The following CD1D variants were observed in gnomAD, a reference collection of about 807,000 sequenced individuals.
The protein encoded by CD1D is CD1d molecule.
CD1D carries 40 observed loss-of-function variants against 42.1 expected under a neutral mutation model. The ratio of observed to expected loss-of-function variants is 0.95; its 90% confidence interval spans 0.74 to 1.24. The LOEUF (loss-of-function observed/expected upper bound fraction) is 1.24, where lower values mean the gene tolerates loss of function less well. Among genes scored for constraint, CD1D ranks in the 50% most tolerant of loss-of-function variants. The pLI is 0.00. For missense variants in CD1D, 437 were observed against 416.5 expected, an observed-to-expected ratio of 1.05 and a Z score of -0.43; for synonymous variants, 178 against 171.8, an observed-to-expected ratio of 1.04 and a Z score of -0.28.
Position 158,183,006 on chromosome 1 carries a change from C to CA in CD1D, c.737dup (p.Thr248HisfsTer11), listed in dbSNP as rs753062897. 1.2e-6 allele frequency: 2 copies of CA among 1,614,054 alleles called. No individual in the cohort carries two copies. The highest frequency in any genetic ancestry group is 1.7e-6 in the Non-Finnish European group (2 of 1,179,894). On this transcript the variant is annotated frameshift_variant, in exon 4 of 6. Transcript: ENST00000674085. LOFTEE classifies it high-confidence loss of function. Reference sequence around the variant, plus strand: ...GTGGATGCGGGGTGAGCAGGAGCAGCAGGGCACTCAGCCAGGGGACATCCT... The same window carrying CA: ...GTGGATGCGGGGTGAGCAGGAGCAGCAAGGGCACTCAGCCAGGGGACATCCT...
rs371189130 is a variant in CD1D at position 158,183,971 on chromosome 1, G to A, written c.922G>A (p.Ala308Thr). The change falls in exon 5 of 6, where the codon GCA becomes ACA. Residue 308 changes from alanine to threonine, a missense_variant. By Grantham distance (58) the Ala-to-Thr change is moderately conservative. Coordinates refer to ENST00000674085, the MANE Select transcript of CD1D (RefSeq NM_001371762.2). ...SYTSMGLIALAVLACLLFLLI... is the reference protein window; with the variant it reads ...SYTSMGLIALTVLACLLFLLI... ...CACCTCCATGGGCTTGATTGCCTTG[G>A]CAGTCCTGGCGTGCTTGCTGTTCCT... 3.5e-5 allele frequency: 56 copies of A among 1,614,208 alleles called. No homozygotes were observed. In the Middle Eastern group the frequency reaches 4.9e-4, roughly 14 times the overall value.
At chr1:158,181,340 G>A in intron 1 of CD1D, 115 bp from the exon 2 acceptor site, 23 of 1,479,656 alleles carry the variant, frequency 1.6e-5, no homozygotes, top group Non-Finnish European at 2.0e-5. Context: ...CACAGAGTTC[G>A]CTGGCATCAG....
In CD1D at chr1:158,183,932, G is replaced by C. The variant is rs1316501179; in HGVS notation, c.887-4G>C. 1.9e-6 allele frequency: 3 copies of C among 1,612,668 alleles called. 1 individual carries two copies. The South Asian group carries it at 3.3e-5, about 18-fold the overall frequency. On this transcript the variant is annotated splice_region_variant and splice_polypyrimidine_tract_variant and intron_variant, in intron 4 of 5. Transcript: ENST00000674085. Reference sequence around the variant, plus strand: ...GAGAGACAGCCTATGTTCCTCCAGAGCAGGTGGGAGCTACACCTCCATGGG... The same window carrying C: ...GAGAGACAGCCTATGTTCCTCCAGACCAGGTGGGAGCTACACCTCCATGGG...
At chr1:158,183,373 A>G (rs1648549527) in intron 4 of CD1D, among the ~76,000 whole-genome samples, 1 of 152,194 alleles carries the variant, frequency 6.6e-6, no homozygotes, top group South Asian at 2.1e-4. Flanking sequence ...CTCTATATAC[A>G]AGAAGAAACA....
upstream of CD1D, among the ~76,000 whole-genome samples, chr1:158,178,543 G>C (rs768906726): frequency 2.4e-4 from 37 of 152,150 alleles, no homozygotes; most frequent in Non-Finnish European, 4.6e-4. Flanking sequence ...CTGAAACCAA[G>C]TAAGTCCCTT....
chr1:158,181,066 GCAGCGGCGCTCCGCGAGGTCCC>G lies in CD1D; in HGVS notation c.-33_-12del. 1 of 1,522,332 alleles carries G rather than the reference GCAGCGGCGCTCCGCGAGGTCCC, an allele frequency of 6.6e-7. No individual in the cohort carries two copies. 94.3% of individuals were successfully genotyped at this position (1,522,332 alleles called of 1,614,324 possible). On this transcript the variant is annotated 5_prime_UTR_variant, in exon 1 of 6. Transcript: ENST00000674085. ...GAGTGCGCAGGTCAGAGGGCGGCGC[GCAGCGGCGCTCCGCGAGGTCCC>G]CACGCCGGGCGATATGGGGTGCCTG...
intron 2 of CD1D, 148 bp downstream of exon 2, chr1:158,181,869 C>A: frequency 7.4e-7 from 1 of 1,354,676 alleles, no homozygotes; most frequent in Non-Finnish European, 1.0e-6. Flanking sequence ...ATGTCCCAGG[C>A]TTTGACTCCT....
At chr1:158,184,060 C>T (rs777130533) in intron 5 of CD1D, 25 bp downstream of exon 5, 1 of 1,613,078 alleles carries the variant, frequency 6.2e-7, no homozygotes, top group South Asian at 1.1e-5. Flanking sequence ...TCCCTTTCCT[C>T]AACCTCTCTC....
At position 158,182,798 on chromosome 1, in the gene CD1D, A is replaced by G. The variant is rs987785091; in HGVS notation, c.608-80A>G. 2.7e-6 allele frequency: 4 copies of G among 1,467,788 alleles called. No individual in the cohort carries two copies. The African/African-American group carries it at 4.3e-5, about 16-fold the overall frequency. The allele number at this position is 1,467,788 out of a possible 1,614,324, so 90.9% of individuals were successfully genotyped here. A position where few individuals can be genotyped will look rare whatever the true frequency, so the allele number is the denominator to read the frequency against. ...GGAGGGAAATAAAGACCTGAAAGTC[A>G]AAAAGGATGATATGAGGCCTGGAGC... On this transcript the variant is annotated intron_variant, in intron 3 of 5. Transcript: ENST00000674085.
chr1:158,184,144 C>T lies in CD1D; in HGVS notation c.1002C>T (p.Val334=), dbSNP rs762227111. Residue 334 remains valine, a synonymous_variant, in exon 6 of 6, where the codon GTC becomes GTT. Transcript: ENST00000674085. The part of the protein sequence containing the change: ...RFKRQTSYQG[V]L ...TCTCTCACAGTTCCTATCAGGGCGT[C>T]CTGTGACTCGCCTTGCCACATCTGT... 3 of 1,614,142 alleles carry T rather than the reference C, an allele frequency of 1.9e-6. No homozygotes were observed. Among genetic ancestry groups the T allele is most frequent in the South Asian group, 1.1e-5 (1 of 91,082 alleles).
chr1:158,181,614 G>A lies in CD1D; in HGVS notation c.221G>A (p.Gly74Asp). Residue 74 changes from glycine to aspartate, a missense_variant, in exon 2 of 6, where the codon GGC becomes GAC. Gly to Asp is a moderately conservative substitution (Grantham distance 94, BLOSUM62 -1). Transcript: ENST00000674085. Reference sequence around the variant, plus strand: ...CGCTCTCTGAAGCCTTGGTCCCAGGGCACGTTCAGCGACCAGCAGTGGGAG... The same window carrying A: ...CGCTCTCTGAAGCCTTGGTCCCAGGACACGTTCAGCGACCAGCAGTGGGAG... The part of the protein sequence containing the change: ...TVRSLKPWSQ[G>D]TFSDQQWETL... 1 of 1,614,122 alleles carries A rather than the reference G, an allele frequency of 6.2e-7. No homozygotes were observed.
At position 158,181,426 on chromosome 1, in the gene CD1D, A is replaced by C. The variant is rs1311830966; in HGVS notation, c.62-29A>C. 1.9e-6 allele frequency: 3 copies of C among 1,608,466 alleles called. No individual in the cohort carries two copies. The African/African-American group carries it at 4.0e-5, about 21-fold the overall frequency. On this transcript the variant is annotated intron_variant, in intron 1 of 5. Transcript: ENST00000674085. ...CTGGCTGCTCTCCCGGCCACTTGCT[A>C]CACGCCTCCAATCTTCATTCTCTCC... is the stretch of plus-strand genomic sequence containing the variant.
rs753574529 is a variant in CD1D, at chr1:158,181,714, C to G, written c.321C>G (p.Arg107=). 1.7e-5 allele frequency: 28 copies of G among 1,608,674 alleles called. No homozygotes were observed. The highest frequency in any genetic ancestry group is 2.0e-5 in the Non-Finnish European group (24 of 1,180,004). ...RDVKEFAKML[R]LSYPLELQVS... ...TGAAGGAATTCGCCAAAATGCTACGCTTATCCTGTGAGCTGAGGGATAGGA... is the reference window on the plus strand; with the variant it reads ...TGAAGGAATTCGCCAAAATGCTACGGTTATCCTGTGAGCTGAGGGATAGGA... Residue 107 remains arginine (R), a synonymous_variant, in exon 2 of 6, where the codon CGC becomes CGG. Transcript: ENST00000674085.
upstream of CD1D, chr1:158,180,850 T>G: frequency 2.4e-6 from 1 of 425,296 alleles, no homozygotes; most frequent in Non-Finnish European, 4.2e-6. Context: ...TGAAACCTAC[T>G]GAAGTGAGCG....
chr1:158,183,275 C>T, intron 4 of CD1D, 119 bp downstream of exon 4: 1 of 1,212,630 alleles, frequency 8.2e-7, no homozygotes, highest in African/African-American at 1.5e-5. Context: ...AGAGATGAGG[C>T]CCCCAGTAAA....
At position 158,180,978 on chromosome 1, in the gene CD1D, T is replaced by G; in HGVS notation, c.-124T>G. 1.2e-6 allele frequency: 1 copy of G among 849,226 alleles called. No homozygotes were observed. The highest frequency in any genetic ancestry group is 1.7e-6 in the Non-Finnish European group (1 of 589,916). 52.6% of individuals were successfully genotyped at this position (849,226 alleles called of 1,614,324 possible). On this transcript the variant is annotated 5_prime_UTR_variant, in exon 1 of 6. Transcript: ENST00000674085. ...AGCCCAGCGAGGAGGGCTGCCGGGG[T>G]CTGGGCTTGGGAATTGGCTGGCACC...
rs557844598 is a variant in CD1D at position 158,185,722 on chromosome 1, C to T, written c.*1572C>T. Among the ~76,000 whole-genome samples, 24 of 152,192 alleles carry T rather than the reference C, an allele frequency of 1.6e-4. No individual in the cohort carries two copies. Among genetic ancestry groups the T allele is most frequent in the African/African-American group, 5.8e-4 (24 of 41,506 alleles). Reference sequence around the variant, plus strand: ...ATGCTAGCTTTTAAATCAATGGTTCCCAAATTGTAGTAACCTGACCAACAG... The same window carrying T: ...ATGCTAGCTTTTAAATCAATGGTTCTCAAATTGTAGTAACCTGACCAACAG... On this transcript the variant is annotated 3_prime_UTR_variant, in exon 6 of 6. Transcript: ENST00000674085.
At chr1:158,181,306 T>C (rs1648393649) in intron 1 of CD1D, 144 bp downstream of exon 1, 3 of 1,423,690 alleles carry the variant, frequency 2.1e-6, no homozygotes, top group African/African-American at 2.8e-5. Context: ...CGCTGCTCCC[T>C]GGCTCCGGGG....
chr1:158,181,779 A>T, intron 2 of CD1D, 58 bp downstream of exon 2: 1 of 1,584,172 alleles, frequency 6.3e-7, no homozygotes, highest in Non-Finnish European at 8.6e-7. Context: ...GGCCACAGAA[A>T]CTCAACTGGG....
Sources: allele counts gnomAD v4.1 joint callset (sites outside exome capture counted in the v4.1 genomes callset), GRCh38; gene constraint gnomAD v4.1.1; transcripts MANE v1.5; gene names NCBI Gene and HGNC (gene_info 2026-07-23, HGNC 2026-07-21).